ZNF676: variants seen among roughly 807,000 people sequenced by gnomAD.
ZNF676 encodes zinc finger protein 676.
Under a neutral mutation model 6.0 loss-of-function variants are expected in ZNF676, and 4 were observed. That is an observed-to-expected ratio of 0.67 (90% CI 0.33 to 1.53). The LOEUF is 1.53. Among genes scored for constraint, ZNF676 ranks in the 40% most tolerant of loss-of-function variants. The pLI is 0.06. For synonymous variants in ZNF676, 198 were observed against 223.1 expected (o/e 0.89, Z 1.00); for missense variants, 644 against 679.7 (o/e 0.95, Z 0.58).
At chr19:22,255,541 T>C in the ZNF676 span, among the ~76,000 whole-genome samples, 2 of 152,190 alleles carry the variant, frequency 1.3e-5, no homozygotes. Context: ...TCCTATGAGC[T>C]GCATTTAAAA....
chr19:22,238,624 G>A, the ZNF676 span, among the ~76,000 whole-genome samples: 2 of 151,942 alleles, frequency 1.3e-5, no homozygotes, highest in Non-Finnish European at 2.9e-5. Context: ...TATTAGTCAG[G>A]GTTCTCCAGA....
At chr19:22,248,918 C>T in the ZNF676 span, among the ~76,000 whole-genome samples, 1 of 152,032 alleles carries the variant, frequency 6.6e-6, no homozygotes, top group Non-Finnish European at 1.5e-5. Flanking sequence ...TTAGTAGAGA[C>T]AGGGTTTCAC....
At chr19:22,237,782 C>A in the ZNF676 span, among the ~76,000 whole-genome samples, 1 of 152,156 alleles carries the variant, frequency 6.6e-6, no homozygotes, top group Non-Finnish European at 1.5e-5. Flanking sequence ...AAACTCAGAG[C>A]CCCTAGCTTC....
intron 1 of ZNF676, among the ~76,000 whole-genome samples, chr19:22,212,199 C>CAAAAAAA (rs34421901): frequency 1.2e-4 from 14 of 118,980 alleles, no homozygotes; most frequent in Middle Eastern, 4.4e-3. Context: ...GATTCTGTCT[C>CAAAAAAA]AAAAAAAAAA....
chr19:22,216,542 T>C (rs1327652648), upstream of ZNF676, among the ~76,000 whole-genome samples: 2 of 152,200 alleles, frequency 1.3e-5, no homozygotes, highest in East Asian at 3.8e-4. Context: ...AAATTTGTCA[T>C]TTTTGAACAC....
chr19:22,233,932 A>T, the ZNF676 span, among the ~76,000 whole-genome samples: 2 of 152,216 alleles, frequency 1.3e-5, no homozygotes, highest in Non-Finnish European at 2.9e-5. Context: ...GTTTTTGACC[A>T]CTCAGGAGGT....
At chr19:22,253,404 G>GTATATATATATA in the ZNF676 span, among the ~76,000 whole-genome samples, 160 of 97,012 alleles carry the variant, frequency 1.6e-3, 2 homozygotes, top group Middle Eastern at 0.01. Flanking sequence ...ATGATAATGT[G>GTATATATATATA]TATATATATA....
the ZNF676 span, among the ~76,000 whole-genome samples, chr19:22,238,542 C>T: frequency 2.6e-5 from 4 of 152,170 alleles, no homozygotes; most frequent in Admixed American, 1.3e-4. Context: ...ACCCCCGAAA[C>T]ACCAGAATCA....
the ZNF676 span, among the ~76,000 whole-genome samples, chr19:22,253,293 A>G: frequency 6.6e-6 from 1 of 151,004 alleles, no homozygotes; most frequent in Non-Finnish European, 1.5e-5. Flanking sequence ...TCGCACCTCT[A>G]TACCATGCTC....
chr19:22,202,859 C>T (rs189918077), intron 1 of ZNF676, among the ~76,000 whole-genome samples: 2 of 152,260 alleles, frequency 1.3e-5, no homozygotes, highest in East Asian at 3.9e-4. Flanking sequence ...CAACTTGAAC[C>T]CCAGGGCCTG....
chr19:22,215,051 A>AAAAC (rs1568537382), intron 1 of ZNF676, among the ~76,000 whole-genome samples: 7 of 137,192 alleles, frequency 5.1e-5, no homozygotes, highest in Admixed American at 7.8e-5. Flanking sequence ...AAAAAAAAAA[A>AAAAC]AAAAAAAAAC....
chr19:22,197,235 T>C (rs554248844), upstream of ZNF676, among the ~76,000 whole-genome samples: 74 of 151,814 alleles, frequency 4.9e-4, no homozygotes, highest in African/African-American at 1.7e-3. Context: ...GGCAGGAGAA[T>C]TGCTTGAACC....
At chr19:22,192,562 T>C (rs1379275331) in intron 2 of ZNF676, among the ~76,000 whole-genome samples, 1 of 152,036 alleles carries the variant, frequency 6.6e-6, no homozygotes, top group Non-Finnish European at 1.5e-5. Flanking sequence ...ATTTCAAGAC[T>C]ATAGTAATAA....
upstream of ZNF676, among the ~76,000 whole-genome samples, chr19:22,199,793 A>T (rs1296979446): frequency 1.3e-5 from 2 of 152,232 alleles, no homozygotes. Context: ...AATCAGCTGC[A>T]GGAACAGAAA....
chr19:22,214,958 G>A (rs1438118065), intron 1 of ZNF676, among the ~76,000 whole-genome samples: 2 of 146,722 alleles, frequency 1.4e-5, no homozygotes, highest in Admixed American at 6.9e-5. Flanking sequence ...GGAGAATGGC[G>A]TGAACCCGGG....
intron 1 of ZNF676, among the ~76,000 whole-genome samples, chr19:22,195,072 A>G (rs1469144220): frequency 1.3e-5 from 2 of 152,144 alleles, no homozygotes; most frequent in Non-Finnish European, 2.9e-5. Flanking sequence ...TTAATGTCAC[A>G]AGATCTTTGG....
chr19:22,231,460 G>C, the ZNF676 span, among the ~76,000 whole-genome samples: 1 of 150,810 alleles, frequency 6.6e-6, no homozygotes, highest in East Asian at 2.0e-4. Context: ...AAACCAAGAT[G>C]CAACTTGCCT....
At chr19:22,192,061 T>C (rs2023914530) in intron 2 of ZNF676, among the ~76,000 whole-genome samples, 2 of 152,196 alleles carry the variant, frequency 1.3e-5, no homozygotes, top group South Asian at 4.1e-4. Flanking sequence ...GATCATGCAA[T>C]GTTCTCTATA....
chr19:22,198,166 G>A (rs369308644), upstream of ZNF676, among the ~76,000 whole-genome samples: 9 of 152,020 alleles, frequency 5.9e-5, no homozygotes, highest in East Asian at 1.2e-3. Flanking sequence ...CATGTTCTCT[G>A]TCTTCACTAA....
Sources: gnomAD v4.1 joint callset for allele counts (sites outside exome capture counted in the v4.1 genomes callset) on GRCh38, gnomAD v4.1.1 for gene constraint, MANE v1.5 for transcripts, NCBI Gene and HGNC (gene_info 2026-07-23, HGNC 2026-07-21) for gene names.